EML3: variants seen among roughly 807,000 people sequenced by gnomAD.
EML3 encodes EMAP like 3.
A neutral mutation model predicts 106.7 loss-of-function variants in EML3; 53 were observed. That is an observed-to-expected ratio of 0.50 (90% CI 0.40 to 0.62). The LOEUF (loss-of-function observed/expected upper bound fraction) is 0.62, where lower values mean the gene tolerates loss of function less well. Among genes scored for constraint, EML3 ranks in the 20% least tolerant of loss-of-function variants. The pLI is 0.00. For synonymous variants in EML3, 499 were observed against 489.6 expected, an observed-to-expected ratio of 1.02 and a Z score of -0.25; for missense variants, 994 against 1,209.1, an observed-to-expected ratio of 0.82 and a Z score of 2.64.
At chr11:62,603,017 C>G in intron 20 of EML3, 128 bp from the exon 21 acceptor site, 2 of 1,491,064 alleles carry the variant, frequency 1.3e-6, no homozygotes, top group East Asian at 2.4e-5. Context: ...CTTCCCGGTC[C>G]CGAGGGGCCT....
chr11:62,605,211 G>A lies in EML3; in HGVS notation c.1915-31C>T. On this transcript the variant is annotated intron_variant, in intron 15 of 21. Transcript: ENST00000394773. The surrounding 1 kb of genome is among the most constrained non-coding windows in gnomAD (Gnocchi z 5.2). The stretch of plus-strand genomic sequence containing the variant: ...AGAGGGGAGAAGGTGAATTCAAGAT[G>A]ATGTCTTTCTAGTGAGGGAACCAGA... 6.2e-7 allele frequency: 1 copy of A among 1,605,360 alleles called. No individual in the cohort carries two copies. Among genetic ancestry groups the A allele is most frequent in the Non-Finnish European group, 8.5e-7 (1 of 1,175,292 alleles).
intron 1 of EML3, chr11:62,612,204 C>T (rs2134415356): frequency 3.8e-6 from 2 of 521,766 alleles, no homozygotes; most frequent in Non-Finnish European, 6.7e-6. Flanking sequence ...GGCAGGGAAA[C>T]ATCGAGGGGC....
rs939588534 is a variant in EML3, at chr11:62,608,875, G to C, written c.930-70C>G. On this transcript the variant is annotated intron_variant, in intron 7 of 21. Transcript: ENST00000394773. ...CATCCAAGACACCTTCTCCAAGCTT[G>C]CAGAGCAGCAAGGCAACTCTTTTCT... The C allele has an allele frequency of 1.9e-6, 3 of 1,579,680 alleles. 1 individual carries two copies. Among genetic ancestry groups the C allele is most frequent in the Non-Finnish European group, 2.6e-6 (3 of 1,160,676 alleles).
intron 16 of EML3, chr11:62,604,825 C>A: frequency 3.7e-6 from 1 of 269,390 alleles, no homozygotes; most frequent in Non-Finnish European, 7.1e-6. Flanking sequence ...CTGTCACTTC[C>A]CTGTGTTTGT....
At position 62,605,918 on chromosome 11, in the gene EML3, C is replaced by A. The variant is rs1208270877; in HGVS notation, c.1719G>T (p.Val573=). ...TCAGCAATGCATTCTTCGTGGTTCC[C>A]ACCAGCAGCTCAGAGCCAAGCCCTT... ...IAEGLGSELL[V]GTTKNALLRG... Residue 573 remains valine, a synonymous_variant, in exon 14 of 22, where the codon GTG becomes GTT. Transcript: ENST00000394773. The surrounding 1 kb of genome is among the most constrained non-coding windows in gnomAD (Gnocchi z 5.2). 27 of 1,614,096 alleles carry A rather than the reference C, an allele frequency of 1.7e-5. No individual in the cohort carries two copies. The highest frequency in any genetic ancestry group is 2.2e-5 in the Non-Finnish European group (26 of 1,180,052).
chr11:62,607,196 C>A (rs1294814877), intron 11 of EML3, 97 bp from the exon 12 acceptor site: 3 of 1,492,650 alleles, frequency 2.0e-6, no homozygotes, highest in East Asian at 4.6e-5. Flanking sequence ...GCCTGTAATC[C>A]CAGCACTTTG....
In EML3 at chr11:62,607,055, C is replaced by A; in HGVS notation, c.1407G>T (p.Pro469=). 6.2e-7 allele frequency: 1 copy of A among 1,614,100 alleles called. No individual in the cohort carries two copies. The highest frequency in any genetic ancestry group is 8.5e-7 in the Non-Finnish European group (1 of 1,180,018). Residue 469 remains proline (P), a synonymous_variant, in exon 12 of 22, where the codon CCG becomes CCT. Transcript: ENST00000394773. The part of the protein sequence containing the change: ...PKFIPCFVFL[P]DGDILTGDSE... ...AGTCTCCAGTGAGAATGTCTCCATC[C>A]GGAAGGAACACAAAGCAAGGGATAA...
chr11:62,605,725 G>A lies in EML3; in HGVS notation c.1831C>T (p.Arg611Cys), dbSNP rs527483873. ...CGGTCGTGGCCGCAGGTGAGGAAGC[G>A]GTTCTGGGAGGGGTGTGTGCAGAGC... The part of the protein sequence containing the change: ...WGLCTHPSQN[R>C]FLTCGHDRQL... Residue 611 changes from arginine to cysteine, a missense_variant, in exon 15 of 22, where the codon CGC becomes TGC. Physicochemically the swap from Arg to Cys is radical, Grantham distance 180 (BLOSUM62 -3). Transcript: ENST00000394773. This position sits in a 1 kb window ranked among gnomAD's most constrained non-coding sequence, Gnocchi z 5.2. The A allele has an allele frequency of 3.4e-5, 55 of 1,600,628 alleles. 1 individual carries two copies. Among genetic ancestry groups the A allele is most frequent in the African/African-American group, 3.3e-4 (25 of 74,810 alleles).
rs991667800 is a variant in EML3, at chr11:62,604,028, C to T, written c.2085G>A (p.Leu695=). The change falls in exon 18 of 22, where the codon CTG becomes CTA. Residue 695 remains leucine (L), a synonymous_variant. Coordinates refer to ENST00000394773, the MANE Select transcript of EML3 (RefSeq NM_153265.3). Reference sequence around the variant, plus strand: ...TCACGTTGTCATGGGAACCAATGGCCAGGTACAACCCATCTGCAAATACAG... The same window carrying T: ...TCACGTTGTCATGGGAACCAATGGCTAGGTACAACCCATCTGCAAATACAG... ...VVRYSPDGLY[L]AIGSHDNVIY... The T allele has an allele frequency of 1.9e-6, 3 of 1,613,972 alleles. No homozygotes were observed. The highest frequency in any genetic ancestry group is 2.5e-6 in the Non-Finnish European group (3 of 1,179,980).
rs2134388722 is a variant in EML3, at chr11:62,608,982, C to T, written c.909G>A (p.Gly303=). ...CTCACCATCGAACGCAGTCTGTGTG[C>T]CCCCGGTAATGTCTCTGGCCGCCAC... is the stretch of plus-strand genomic sequence containing the variant. ...PGGGGQRHYR[G]HTDCVRCLAV... is the part of the protein sequence containing the mutation. The change falls in exon 7 of 22, where the codon GGG becomes GGA. Residue 303 remains glycine (G), a synonymous_variant. Transcript: ENST00000394773. The T allele has an allele frequency of 1.2e-6, 2 of 1,613,862 alleles. No individual in the cohort carries two copies. Among genetic ancestry groups the T allele is most frequent in the East Asian group, 2.2e-5 (1 of 44,884 alleles).
intron 10 of EML3, 64 bp downstream of exon 10, chr11:62,608,137 T>C: frequency 1.4e-6 from 2 of 1,449,586 alleles, no homozygotes; most frequent in East Asian, 2.3e-5. Flanking sequence ...AGTCTGGAGC[T>C]CCCTGCACTC....
chr11:62,605,066 C>A lies in EML3; in HGVS notation c.1982+47G>T, dbSNP rs776511942. 6 of 1,581,214 alleles carry A rather than the reference C, an allele frequency of 3.8e-6. No homozygotes were observed. Among genetic ancestry groups the A allele is most frequent in the Non-Finnish European group, 5.2e-6 (6 of 1,161,748 alleles). ...CACTCCCCCAGTACCAGGAACCCTT[C>A]CCAGTCCTCCCTGCTTTCCCTCCTG... is the stretch of plus-strand genomic sequence containing the variant. On this transcript the variant is annotated intron_variant, in intron 16 of 21. Coordinates refer to ENST00000394773, the MANE Select transcript of EML3 (RefSeq NM_153265.3). This position sits in a 1 kb window ranked among gnomAD's most constrained non-coding sequence, Gnocchi z 5.2.
chr11:62,603,035 TG>T lies in EML3; in HGVS notation c.2356+113del. The T allele has an allele frequency of 2.6e-6, 4 of 1,535,120 alleles. No homozygotes were observed. In the South Asian group the frequency reaches 4.8e-5, roughly 18 times the overall value. On this transcript the variant is annotated intron_variant, in intron 20 of 21. Transcript: ENST00000394773. The stretch of plus-strand genomic sequence containing the variant: ...CCCGGTCCCGAGGGGCCTCCTGGGC[TG>T]GATCTTCAGGTTTCTGGACTCTCAC...
In EML3 at chr11:62,608,306, G is replaced by A. The variant is rs1326537857; in HGVS notation, c.1111-10C>T. On this transcript the variant is annotated splice_polypyrimidine_tract_variant and intron_variant, in intron 9 of 21. Coordinates refer to ENST00000394773, the MANE Select transcript of EML3 (RefSeq NM_153265.3). ...GAAAGGCACCCTGATCCTGAAGAAG[G>A]GTGACACATAGGAGGTGCAGAGTGA... is the stretch of plus-strand genomic sequence containing the variant. 5 of 1,613,124 alleles carry A rather than the reference G, an allele frequency of 3.1e-6. No individual in the cohort carries two copies. The highest frequency in any genetic ancestry group is 4.2e-6 in the Non-Finnish European group (5 of 1,179,346).
Position 62,602,632 on chromosome 11 carries a change from A to C in EML3, c.2534T>G (p.Val845Gly). 1 of 1,588,450 alleles carries C rather than the reference A, an allele frequency of 6.3e-7. No homozygotes were observed. ...YGGHGSHVTS[V>G]RFTHDDSHLV... The stretch of plus-strand genomic sequence containing the variant: ...GTGCGAGTCGTCGTGCGTGAATCGG[A>C]CGCTGGTCACGTGGCTGCCGTGGCC... The change falls in exon 22 of 22, where the codon GTC becomes GGC. Residue 845 changes from valine (V) to glycine (G), a missense_variant. Physicochemically the swap from Val to Gly is moderately radical, Grantham distance 109. This residue lies in a region of EML3 where 713 missense variants were observed against 920.5 expected (regional missense o/e 0.77). Coordinates refer to ENST00000394773, the MANE Select transcript of EML3 (RefSeq NM_153265.3).
Position 62,611,331 on chromosome 11 carries a change from G to C in EML3, c.208C>G (p.Pro70Ala), listed in dbSNP as rs772344882. 1.2e-6 allele frequency: 2 copies of C among 1,612,746 alleles called. No homozygotes were observed. Among genetic ancestry groups the C allele is most frequent in the Non-Finnish European group, 1.7e-6 (2 of 1,179,714 alleles). The change falls in exon 3 of 22, where the codon CCA (proline) becomes GCA (alanine). Residue 70 changes from proline (P) to alanine (A), a missense_variant. By Grantham distance (27) the Pro-to-Ala change is conservative. Coordinates refer to ENST00000394773, the MANE Select transcript of EML3 (RefSeq NM_153265.3). ...APPGDSLAAP[P>A]GLPPTCTPSL... ...GGGGTGCACGTGGGTGGCAGTCCTGGGGGGGCTGCAAGACTGCTGGAGAGA... is the reference window on the plus strand; with the variant it reads ...GGGGTGCACGTGGGTGGCAGTCCTGCGGGGGCTGCAAGACTGCTGGAGAGA...
At chr11:62,609,840 T>G in intron 4 of EML3, 144 bp from the exon 5 acceptor site, 28 of 643,176 alleles carry the variant, frequency 4.4e-5, no homozygotes, top group Non-Finnish European at 6.4e-5. Context: ...ATCAGGGCCC[T>G]AGTAGATGGA....
chr11:62,602,740 G>A lies in EML3; in HGVS notation c.2487+19C>T, dbSNP rs761583058. ...CCTCGGGCCCACCGGTCCCACCCCGGCGATCCCCGCGGCCTCACCTTGGCA... is the reference window on the plus strand; with the variant it reads ...CCTCGGGCCCACCGGTCCCACCCCGACGATCCCCGCGGCCTCACCTTGGCA... On this transcript the variant is annotated intron_variant, in intron 21 of 21. Coordinates refer to ENST00000394773, the MANE Select transcript of EML3 (RefSeq NM_153265.3). 1.2e-6 allele frequency: 2 copies of A among 1,609,368 alleles called. No homozygotes were observed. The highest frequency in any genetic ancestry group is 8.5e-7 in the Non-Finnish European group (1 of 1,178,592).
intron 10 of EML3, 75 bp downstream of exon 10, chr11:62,608,126 G>A: frequency 7.3e-7 from 1 of 1,377,370 alleles, no homozygotes; most frequent in Non-Finnish European, 1.0e-6. Flanking sequence ...ATGTATGGGT[G>A]AGTCTGGAGC....
Sources: gnomAD v4.1 joint callset for allele counts on GRCh38, gnomAD v4.1.1 for gene constraint, gnomAD v4.1.1 regional missense constraint, Gnocchi (gnomAD v3.1) non-coding constraint, MANE v1.5 for transcripts, NCBI Gene and HGNC (gene_info 2026-07-23, HGNC 2026-07-21) for gene names.